MSI2: variants seen among roughly 807,000 people sequenced by gnomAD.
The protein encoded by MSI2 is RNA-binding protein Musashi homolog 2.
In MSI2, 17 loss-of-function variants were observed where a neutral mutation model predicts 45.6. The ratio of observed to expected loss-of-function variants is 0.37; its 90% CI spans 0.26 to 0.56. The LOEUF is 0.56. Ranked by LOEUF, MSI2 falls within the 20% of genes least tolerant of loss-of-function variation. The probability of loss-of-function intolerance (pLI) is 0.77; values close to 1 mark genes in which losing one functional copy is unlikely to be tolerated. For synonymous variants in MSI2, 156 were observed against 158.2 expected, an observed-to-expected ratio of 0.99 and a Z score of 0.11; for missense variants, 293 against 444.2, an observed-to-expected ratio of 0.66 and a Z score of 3.06.
intron 11 of MSI2, among the ~76,000 whole-genome samples, chr17:57,666,763 G>T (rs1030935279): frequency 1.3e-5 from 2 of 152,200 alleles, no homozygotes; most frequent in Non-Finnish European, 2.9e-5. Context: ...TAGCTTTCAG[G>T]TTGGGAATTG....
At position 57,577,854 on chromosome 17, in the gene MSI2, G is replaced by A. The variant is rs151261273; in HGVS notation, c.455-19014G>A. ...GTCCTCGGACTCCAGCCCTTCTTTG[G>A]TCGCCACTTGCTTTTGTTCACGGCA... On this transcript the variant is annotated intron_variant, in intron 7 of 13. Coordinates refer to ENST00000284073, the MANE Select transcript of MSI2 (RefSeq NM_138962.4). Among the ~76,000 whole-genome samples the A allele has an allele frequency of 1.8e-4, 28 of 152,228 alleles. 1 individual carries two copies. In the East Asian group the frequency reaches 5.0e-3, roughly 27 times the overall value.
chr17:57,417,987 C>T (rs1470330374), intron 6 of MSI2, among the ~76,000 whole-genome samples: 1 of 152,224 alleles, frequency 6.6e-6, no homozygotes, highest in Non-Finnish European at 1.5e-5. Context: ...TTCCTCCTCT[C>T]ATTCGTAGCT....
chr17:57,257,064 C>T, intron 1 of MSI2, 34 bp from the exon 2 acceptor site: 1 of 1,400,324 alleles, frequency 7.1e-7, no homozygotes, highest in South Asian at 1.1e-5. Context: ...GATCTGACAT[C>T]GGTGCTCACT....
rs534238432 is a variant in MSI2, at chr17:57,373,483, A to G, written c.313-27896A>G. On this transcript the variant is annotated intron_variant, in intron 5 of 13. Coordinates refer to ENST00000284073, the MANE Select transcript of MSI2 (RefSeq NM_138962.4). ...TGTTAGTCTAGTTTCAGTTGCAGAG[A>G]GCTGAATCCACTCCCATCTGGTTTA... Among the ~76,000 whole-genome samples the G allele has an allele frequency of 7.4e-4, 112 of 152,164 alleles. 1 individual carries two copies. The highest frequency in any genetic ancestry group is 1.4e-3 in the Non-Finnish European group (94 of 68,032).
At position 57,627,518 on chromosome 17, in the gene MSI2, G is replaced by C. The variant is rs1908919317; in HGVS notation, c.727+215G>C. 1.7e-6 allele frequency: 1 copy of C among 584,102 alleles called. No individual in the cohort carries two copies. Among genetic ancestry groups the C allele is most frequent in the Non-Finnish European group, 3.1e-6 (1 of 327,728 alleles). 36.2% of individuals were successfully genotyped at this position (584,102 alleles called of 1,614,324 possible). A position where few individuals can be genotyped will look rare whatever the true frequency, so the allele number is the denominator to read the frequency against. On this transcript the variant is annotated intron_variant, in intron 10 of 13. Transcript: ENST00000284073. The surrounding 1 kb of genome is among the most constrained non-coding windows in gnomAD (Gnocchi z 4.6). ...TATAACTCACTGGTGCCGGGTATTT[G>C]AGAACGGCAGCTTTTAAAGGGAAAG...
intron 7 of MSI2, among the ~76,000 whole-genome samples, chr17:57,547,892 G>A (rs1352100060): frequency 6.6e-6 from 1 of 152,104 alleles, no homozygotes; most frequent in South Asian, 2.1e-4. Context: ...TCATCAGTGT[G>A]GTAGACAGTG....
At chr17:57,362,348 G>A (rs1180933899) in intron 5 of MSI2, among the ~76,000 whole-genome samples, 1 of 152,228 alleles carries the variant, frequency 6.6e-6, no homozygotes, top group African/African-American at 2.4e-5. Flanking sequence ...GGGAACTGCA[G>A]CCTTCATTTC....
intron 6 of MSI2, among the ~76,000 whole-genome samples, chr17:57,505,221 A>G (rs1214961697): frequency 6.6e-6 from 1 of 152,208 alleles, no homozygotes; most frequent in Non-Finnish European, 1.5e-5. Flanking sequence ...GCAACAGAGC[A>G]CAGAGAGGCA....
intron 6 of MSI2, among the ~76,000 whole-genome samples, chr17:57,507,739 A>G (rs1467025681): frequency 6.6e-6 from 1 of 151,852 alleles, no homozygotes; most frequent in Non-Finnish European, 1.5e-5. Flanking sequence ...GACTTCTTTG[A>G]AGGGGATGAT....
intron 6 of MSI2, among the ~76,000 whole-genome samples, chr17:57,495,425 C>G (rs1012454158): frequency 1.3e-5 from 2 of 148,818 alleles, no homozygotes; most frequent in Admixed American, 6.8e-5. Flanking sequence ...CCCAGCTACT[C>G]AGGAGGCTGA....
intron 5 of MSI2, among the ~76,000 whole-genome samples, chr17:57,359,102 G>T (rs915546578): frequency 6.6e-6 from 1 of 151,926 alleles, no homozygotes; most frequent in African/African-American, 2.4e-5. Flanking sequence ...CCTTTCTCCC[G>T]CCACTCCCGG....
chr17:57,677,183 G>A, intron 13 of MSI2, 124 bp downstream of exon 13: 1 of 699,144 alleles, frequency 1.4e-6, no homozygotes, highest in Non-Finnish European at 2.5e-6. Flanking sequence ...CCTCTTTCTG[G>A]ACCCCTTTTC....
chr17:57,325,194 C>G (rs1468676288), intron 5 of MSI2, among the ~76,000 whole-genome samples: 1 of 152,112 alleles, frequency 6.6e-6, no homozygotes, highest in Non-Finnish European at 1.5e-5. Context: ...GAGCTGGAGG[C>G]CATTATTCTA....
downstream of MSI2, among the ~76,000 whole-genome samples, chr17:57,686,802 A>T (rs1913893672): frequency 6.7e-6 from 1 of 150,236 alleles, no homozygotes; most frequent in Non-Finnish European, 1.5e-5. Context: ...ATAAAAATAC[A>T]GTTAGAGAGA....
chr17:57,359,855 T>G (rs1916701116), intron 5 of MSI2, among the ~76,000 whole-genome samples: 1 of 152,254 alleles, frequency 6.6e-6, no homozygotes, highest in African/African-American at 2.4e-5. Context: ...TGCCTTAGCC[T>G]GTCACCCACT....
intron 6 of MSI2, among the ~76,000 whole-genome samples, chr17:57,422,903 G>A (rs1484657072): frequency 6.6e-6 from 1 of 152,182 alleles, no homozygotes; most frequent in African/African-American, 2.4e-5. Flanking sequence ...ATCATTGGTG[G>A]CAGGGCACCA....
intron 5 of MSI2, among the ~76,000 whole-genome samples, chr17:57,284,186 T>C (rs1909663977): frequency 6.6e-6 from 1 of 152,154 alleles, no homozygotes; most frequent in South Asian, 2.1e-4. Flanking sequence ...CCTTCTTTAA[T>C]GAAAGAGTTG....
At chr17:57,406,806 A>G (rs1412372329) in intron 6 of MSI2, 1 of 152,130 alleles carries the variant, frequency 6.6e-6, no homozygotes, top group Non-Finnish European at 1.5e-5. Flanking sequence ...TTAGGCCTAC[A>G]AGTCATTTCC....
intron 7 of MSI2, chr17:57,531,688 T>C (rs1319046710): frequency 6.6e-6 from 1 of 152,204 alleles, no homozygotes; most frequent in African/African-American, 2.4e-5. Flanking sequence ...TATTTTTTGA[T>C]CTGCTGTGTG....
Sources: gnomAD v4.1 joint callset for allele counts (sites outside exome capture counted in the v4.1 genomes callset) on GRCh38, gnomAD v4.1.1 for gene constraint, Gnocchi (gnomAD v3.1) non-coding constraint, MANE v1.5 for transcripts, NCBI Gene and HGNC (gene_info 2026-07-23, HGNC 2026-07-21) for gene names.